The following CTNNA3 variants were observed in gnomAD, a reference collection of about 807,000 sequenced individuals.
CTNNA3 encodes the protein catenin alpha 3.
Under a neutral mutation model 95.7 loss-of-function variants are expected in CTNNA3, and 76 were observed. The ratio of observed to expected loss-of-function variants is 0.79; its 90% CI spans 0.66 to 0.96. CTNNA3 has a LOEUF of 0.96. Among genes scored for constraint, CTNNA3 ranks in the 40% least tolerant of loss-of-function variants. The probability of loss-of-function intolerance (pLI) is 0.00; values close to 1 mark genes in which losing one functional copy is unlikely to be tolerated. For synonymous variants in CTNNA3, 431 were observed against 374.4 expected (o/e 1.15, Z -1.74); for missense variants, 1,191 against 1,089.8 (o/e 1.09, Z -1.31).
At chr10:66,957,618 T>C (rs1848894989) in intron 7 of CTNNA3, among the ~76,000 whole-genome samples, 1 of 151,676 alleles carries the variant, frequency 6.6e-6, no homozygotes, top group Non-Finnish European at 1.5e-5. Context: ...AGGAAACAGA[T>C]GATACACTCA....
intron 5 of CTNNA3, among the ~76,000 whole-genome samples, chr10:67,445,584 C>A (rs1010096547): frequency 3.3e-5 from 5 of 152,078 alleles, no homozygotes; most frequent in African/African-American, 1.2e-4. Context: ...CCTATTAGGC[C>A]CTACCTTCCA....
intron 7 of CTNNA3, among the ~76,000 whole-genome samples, chr10:66,801,166 G>A (rs1841412924): frequency 6.6e-6 from 1 of 151,054 alleles, no homozygotes; most frequent in Non-Finnish European, 1.5e-5. Context: ...AAATATTAGG[G>A]GGAAATAAAT....
intron 1 of CTNNA3, among the ~76,000 whole-genome samples, chr10:67,693,733 C>G (rs151191705): frequency 3.3e-5 from 5 of 152,324 alleles, no homozygotes; most frequent in African/African-American, 1.2e-4. Flanking sequence ...ACTTTGATTA[C>G]TTGGGACCAG....
intron 7 of CTNNA3, among the ~76,000 whole-genome samples, chr10:66,815,945 T>G (rs932797742): frequency 6.6e-6 from 1 of 152,124 alleles, no homozygotes; most frequent in Non-Finnish European, 1.5e-5. Flanking sequence ...CATAAGTAAA[T>G]ATAATACACA....
chr10:66,615,426 G>C (rs1231664606), intron 10 of CTNNA3, among the ~76,000 whole-genome samples: 8 of 151,716 alleles, frequency 5.3e-5, no homozygotes, highest in Admixed American at 3.3e-4. Context: ...TTAACTTTCT[G>C]GACTTTTCAG....
intron 7 of CTNNA3, among the ~76,000 whole-genome samples, chr10:66,870,448 G>A (rs546905526): frequency 6.6e-6 from 1 of 152,192 alleles, no homozygotes; most frequent in South Asian, 2.1e-4. Flanking sequence ...TTTGTCCTAT[G>A]AGAAAAACAA....
intron 15 of CTNNA3, among the ~76,000 whole-genome samples, chr10:66,069,021 A>C (rs1001327789): frequency 6.6e-6 from 1 of 152,210 alleles, no homozygotes; most frequent in Admixed American, 6.5e-5. Flanking sequence ...TCTTTGTAGA[A>C]GTCACATGCT....
At chr10:66,774,961 A>G (rs945462722) in intron 8 of CTNNA3, among the ~76,000 whole-genome samples, 1 of 152,168 alleles carries the variant, frequency 6.6e-6, no homozygotes, top group Admixed American at 6.5e-5. Context: ...AAATGGAAGG[A>G]GGAATGGGTA....
At chr10:67,350,910 G>GTGTATATATATATATATATATA (rs146861544) in intron 5 of CTNNA3, among the ~76,000 whole-genome samples, 22 of 141,808 alleles carry the variant, frequency 1.6e-4, no homozygotes, top group African/African-American at 4.9e-4. Flanking sequence ...AAAAGTATGT[G>GTGTATATATATATATATATATA]TATATATATA....
chr10:66,198,285 A>G (rs1398866237), intron 13 of CTNNA3, among the ~76,000 whole-genome samples: 1 of 152,136 alleles, frequency 6.6e-6, no homozygotes, highest in Non-Finnish European at 1.5e-5. Flanking sequence ...TTTTAATGAG[A>G]TCTGAAGAAA....
intron 6 of CTNNA3, among the ~76,000 whole-genome samples, chr10:67,183,915 T>C (rs1357775288): frequency 1.3e-5 from 2 of 152,080 alleles, no homozygotes; most frequent in Non-Finnish European, 2.9e-5. Context: ...TTTACATTAT[T>C]AACTGAAGAA....
At chr10:66,793,093 T>A (rs1430663863) in intron 7 of CTNNA3, among the ~76,000 whole-genome samples, 1 of 152,150 alleles carries the variant, frequency 6.6e-6, no homozygotes, top group Non-Finnish European at 1.5e-5. Flanking sequence ...GGATGTCCAA[T>A]GGTAATCCAC....
At position 66,975,037 on chromosome 10, in the gene CTNNA3, G is replaced by A. The variant is rs1054321256; in HGVS notation, c.1048-199513C>T. On this transcript the variant is annotated intron_variant, in intron 7 of 17. Coordinates refer to ENST00000433211, the MANE Select transcript of CTNNA3 (RefSeq NM_013266.4). Reference sequence around the variant, plus strand: ...GTAGCTCTTGATGAAGAGGAGATGAGTAATCTGGTATTTTAGACTCCATTA... The same window carrying A: ...GTAGCTCTTGATGAAGAGGAGATGAATAATCTGGTATTTTAGACTCCATTA... Among the ~76,000 whole-genome samples, 4 of 152,258 alleles carry A rather than the reference G, an allele frequency of 2.6e-5. No homozygotes were observed. In the East Asian group the frequency reaches 7.7e-4, roughly 29 times the overall value.
intron 5 of CTNNA3, among the ~76,000 whole-genome samples, chr10:67,430,637 T>C (rs16924465): frequency 0.039 from 5,976 of 151,958 alleles, 171 homozygotes; most frequent in South Asian, 0.064. Flanking sequence ...CATTCATTTA[T>C]TCAAAAATAG....
At chr10:66,960,078 T>A (rs1461646590) in intron 7 of CTNNA3, among the ~76,000 whole-genome samples, 2 of 152,124 alleles carry the variant, frequency 1.3e-5, no homozygotes, top group Non-Finnish European at 2.9e-5. Flanking sequence ...TTGAAATTTT[T>A]TTTTCTTTGC....
chr10:67,194,434 T>C (rs1434199795), intron 6 of CTNNA3, among the ~76,000 whole-genome samples: 1 of 152,004 alleles, frequency 6.6e-6, no homozygotes, highest in Non-Finnish European at 1.5e-5. Flanking sequence ...CTTAAATGCA[T>C]ATTACTACAT....
intron 5 of CTNNA3, among the ~76,000 whole-genome samples, chr10:67,419,882 C>T (rs1845686172): frequency 2.0e-5 from 3 of 151,256 alleles, no homozygotes; most frequent in Admixed American, 6.6e-5. Context: ...TTGACAGTCT[C>T]GCTCTGTCGC....
intron 7 of CTNNA3, among the ~76,000 whole-genome samples, chr10:67,159,326 G>C (rs1861439162): frequency 6.6e-6 from 1 of 152,204 alleles, no homozygotes; most frequent in Non-Finnish European, 1.5e-5. Context: ...GATGCTCCCA[G>C]CTGAATAAAG....
At chr10:67,516,231 G>A (rs2133144665) in intron 5 of CTNNA3, among the ~76,000 whole-genome samples, 1 of 152,218 alleles carries the variant, frequency 6.6e-6, no homozygotes, top group South Asian at 2.1e-4. Flanking sequence ...CCATTTTAAT[G>A]TTAGCCCCAA....
Sources: allele counts gnomAD v4.1 joint callset (sites outside exome capture counted in the v4.1 genomes callset), GRCh38; gene constraint gnomAD v4.1.1; transcripts MANE v1.5; gene names NCBI Gene and HGNC (gene_info 2026-07-23, HGNC 2026-07-21).